The following CDH13 variants were observed in gnomAD, a reference collection of about 807,000 sequenced individuals.
The protein encoded by CDH13 is cadherin-13.
CDH13 carries 24 observed loss-of-function variants against 63.8 expected under a neutral mutation model. The ratio of observed to expected loss-of-function variants is 0.38; its 90% CI spans 0.27 to 0.53. CDH13 has a LOEUF of 0.53. Ranked by LOEUF, CDH13 falls within the 20% of genes least tolerant of loss-of-function variation. The pLI is 0.85. For missense variants in CDH13, 1,049 were observed against 903.1 expected (o/e 1.16, Z -2.07); for synonymous variants, 503 against 355.3 (o/e 1.42, Z -4.67).
intron 4 of CDH13, among the ~76,000 whole-genome samples, chr16:83,166,643 C>G (rs1408619483): frequency 6.6e-6 from 1 of 152,108 alleles, no homozygotes; most frequent in Non-Finnish European, 1.5e-5. Context: ...TGCCCCATTT[C>G]CATATTTAAT....
chr16:83,529,772 G>A (rs2075041505), intron 7 of CDH13, among the ~76,000 whole-genome samples: 1 of 152,040 alleles, frequency 6.6e-6, no homozygotes, highest in Non-Finnish European at 1.5e-5. Flanking sequence ...ATACAATATT[G>A]ATATTGATTT....
intron 3 of CDH13, among the ~76,000 whole-genome samples, chr16:83,068,121 G>C (rs2032157853): frequency 6.6e-6 from 1 of 152,218 alleles, no homozygotes; most frequent in South Asian, 2.1e-4. Context: ...ATAGCTGAGA[G>C]CATTACCACA....
intron 13 of CDH13, among the ~76,000 whole-genome samples, 184 bp downstream of exon 13, chr16:83,783,656 G>T (rs1915686391): frequency 6.6e-6 from 1 of 152,140 alleles, no homozygotes; most frequent in African/African-American, 2.4e-5. Flanking sequence ...ATGTTTAAAG[G>T]CATCTTAACA....
intron 3 of CDH13, among the ~76,000 whole-genome samples, chr16:83,051,671 A>G (rs2030352172): frequency 1.3e-5 from 2 of 152,226 alleles, no homozygotes; most frequent in African/African-American, 4.8e-5. Context: ...TCCCACTTAG[A>G]GCAAGATCTC....
intron 6 of CDH13, among the ~76,000 whole-genome samples, chr16:83,415,151 A>T (rs11643848): frequency 6.6e-6 from 1 of 151,806 alleles, no homozygotes; most frequent in African/African-American, 2.4e-5. Flanking sequence ...CTGCCAAAAA[A>T]AATGAAAAAA....
chr16:83,165,178 G>A lies in CDH13; in HGVS notation c.483+39677G>A, dbSNP rs140006782. On this transcript the variant is annotated intron_variant, in intron 4 of 13. Transcript: ENST00000567109. The stretch of plus-strand genomic sequence containing the variant: ...AGAACTAGAGGATCAAGGGAAAAAG[G>A]CCAAGTCCAGTAAGTCCCTCCAAAC... Among the ~76,000 whole-genome samples, 260 of 152,152 alleles carry A rather than the reference G, an allele frequency of 1.7e-3. 2 individuals carry two copies. The highest frequency in any genetic ancestry group is 3.2e-3 in the Non-Finnish European group (218 of 67,986).
chr16:82,639,421 C>T lies in CDH13; in HGVS notation c.45+12284C>T, dbSNP rs935723602. The T allele has an allele frequency of 1.9e-5, 29 of 1,535,436 alleles. No homozygotes were observed. In the African/African-American group the frequency reaches 3.4e-4, roughly 18 times the overall value. The stretch of plus-strand genomic sequence containing the variant: ...GCAAGAACATCCCAGTGAGAATGGC[C>T]CACAGATGCCTGGGCGTGACCCACC... On this transcript the variant is annotated intron_variant, in intron 1 of 13. Transcript: ENST00000567109.
intron 1 of CDH13, among the ~76,000 whole-genome samples, chr16:82,721,925 T>C (rs958308292): frequency 2.0e-5 from 3 of 152,060 alleles, no homozygotes; most frequent in African/African-American, 7.2e-5. Flanking sequence ...AAGGACCTGA[T>C]GTGCTTTCCT....
chr16:82,942,962 C>A (rs1904313186), intron 2 of CDH13, among the ~76,000 whole-genome samples: 1 of 152,142 alleles, frequency 6.6e-6, no homozygotes, highest in Non-Finnish European at 1.5e-5. Flanking sequence ...TCCTTGATTA[C>A]CTCCTTGGAA....
chr16:83,252,105 T>C (rs1050996515), intron 5 of CDH13, among the ~76,000 whole-genome samples: 1 of 5,490 alleles, frequency 1.8e-4, no homozygotes, highest in South Asian at 6.8e-3. Context: ...ATATATATAT[T>C]ATACACACAC....
At chr16:82,959,519 T>G (rs1906636144) in intron 2 of CDH13, among the ~76,000 whole-genome samples, 1 of 152,180 alleles carries the variant, frequency 6.6e-6, no homozygotes, top group South Asian at 2.1e-4. Context: ...AGCCCCTTCC[T>G]TCATTTTCAA....
At chr16:83,369,818 A>G (rs1025023905) in intron 6 of CDH13, among the ~76,000 whole-genome samples, 3 of 152,134 alleles carry the variant, frequency 2.0e-5, no homozygotes, top group Non-Finnish European at 4.4e-5. Context: ...TTCTCTAGAA[A>G]CGGCCATTCC....
chr16:83,627,792 G>A (rs1037744329), intron 8 of CDH13, among the ~76,000 whole-genome samples: 1 of 152,180 alleles, frequency 6.6e-6, no homozygotes, highest in Non-Finnish European at 1.5e-5. Context: ...TCCGTAAAGT[G>A]AAAGCAAGTT....
At chr16:83,038,452 A>C (rs1917056215) in intron 3 of CDH13, among the ~76,000 whole-genome samples, 1 of 152,188 alleles carries the variant, frequency 6.6e-6, no homozygotes, top group African/African-American at 2.4e-5. Context: ...AAGTCTTTTG[A>C]CAGGCTCTGA....
chr16:82,717,797 C>G (rs184063667), intron 1 of CDH13, among the ~76,000 whole-genome samples: 90 of 152,252 alleles, frequency 5.9e-4, no homozygotes, highest in Admixed American at 9.2e-4. Flanking sequence ...TAGATGAGTT[C>G]TAGGGATTAG....
intron 3 of CDH13, among the ~76,000 whole-genome samples, chr16:83,062,459 T>G (rs1434795133): frequency 6.6e-6 from 1 of 152,174 alleles, no homozygotes; most frequent in Non-Finnish European, 1.5e-5. Context: ...GAATTTCTAA[T>G]CGAATAGCAG....
At chr16:82,867,205 T>C (rs1406578136) in intron 2 of CDH13, among the ~76,000 whole-genome samples, 2 of 152,182 alleles carry the variant, frequency 1.3e-5, no homozygotes, top group African/African-American at 4.8e-5. Context: ...TGCTTATAAT[T>C]GGTGGTGTCA....
chr16:83,591,970 C>A (rs182280021), intron 7 of CDH13, among the ~76,000 whole-genome samples: 46 of 152,310 alleles, frequency 3.0e-4, no homozygotes, highest in African/African-American at 1.1e-3. Flanking sequence ...CATCTCTAAT[C>A]CTATGGTAGG....
chr16:82,771,199 C>T (rs892816997), intron 1 of CDH13, among the ~76,000 whole-genome samples: 5 of 152,098 alleles, frequency 3.3e-5, no homozygotes, highest in African/African-American at 1.2e-4. Flanking sequence ...TTAGCTCTTC[C>T]TTTGTGTTCA....
Sources: allele counts gnomAD v4.1 joint callset (sites outside exome capture counted in the v4.1 genomes callset), GRCh38; gene constraint gnomAD v4.1.1; transcripts MANE v1.5; gene names NCBI Gene and HGNC (gene_info 2026-07-23, HGNC 2026-07-21).